Variants in CNTLN observed in about 807,000 individuals in gnomAD.
CNTLN encodes centlein.
In CNTLN, 212 loss-of-function variants were observed where a neutral mutation model predicts 180.0. The observed-to-expected ratio is 1.18, with a 90% CI of 1.05 to 1.32. CNTLN has a LOEUF of 1.32. Ranked by LOEUF, CNTLN falls within the 40% of genes most tolerant of loss-of-function variation. The pLI, the probability that CNTLN is intolerant of heterozygous loss-of-function variation, is 0.00. For missense variants in CNTLN, 2,095 were observed against 1,610.9 expected, an observed-to-expected ratio of 1.30 and a Z score of -5.14; for synonymous variants, 722 against 563.1, an observed-to-expected ratio of 1.28 and a Z score of -3.99.
At chr9:17,278,734 T>A (rs1316803884) in intron 6 of CNTLN, among the ~76,000 whole-genome samples, 1 of 152,076 alleles carries the variant, frequency 6.6e-6, no homozygotes, top group East Asian at 1.9e-4. Flanking sequence ...AATAAATACA[T>A]GCAGTACAGA....
intron 18 of CNTLN, among the ~76,000 whole-genome samples, chr9:17,438,243 A>G (rs997948134): frequency 3.3e-5 from 5 of 152,124 alleles, no homozygotes; most frequent in Admixed American, 6.6e-5. Context: ...TCGAGAGACT[A>G]GAGATTGAAT....
intron 6 of CNTLN, among the ~76,000 whole-genome samples, chr9:17,295,968 G>T (rs1265847020): frequency 3.7e-5 from 4 of 107,016 alleles, no homozygotes; most frequent in East Asian, 8.2e-4. Flanking sequence ...CTACTCTTCA[G>T]TGAGAGAGAG....
chr9:17,177,787 T>A (rs978323324), intron 2 of CNTLN, among the ~76,000 whole-genome samples: 4 of 151,708 alleles, frequency 2.6e-5, no homozygotes, highest in Non-Finnish European at 5.9e-5. Flanking sequence ...ACCCAAAGAG[T>A]GAGCAGCAGC....
At chr9:17,464,746 ACAAAGTAACACT>A in intron 21 of CNTLN, 123 bp downstream of exon 21, 3 of 559,208 alleles carry the variant, frequency 5.4e-6, no homozygotes, top group Non-Finnish European at 8.9e-6. Flanking sequence ...ATTTACTGTT[ACAAAGTAACACT>A]CTTTGCTCTG....
At chr9:17,269,871 T>G (rs1006025023) in intron 5 of CNTLN, among the ~76,000 whole-genome samples, 2 of 152,156 alleles carry the variant, frequency 1.3e-5, no homozygotes, top group African/African-American at 4.8e-5. Flanking sequence ...CACAAGTGTT[T>G]TTGGTTTTTG....
In CNTLN at chr9:17,388,220, T is replaced by C; in HGVS notation, c.2046T>C (p.Asn682=). ...DEVKRSTPEK[N]GKEMLEQTLQ... ...TCAAGAGGAGTACTCCAGAGAAGAA[T>C]GGAAAAGAAATGTTGGAGCAGACAT... Residue 682 remains asparagine (N), a synonymous_variant, in exon 14 of 26, where the codon AAT becomes AAC. Transcript: ENST00000380647. The C allele has an allele frequency of 1.9e-6, 3 of 1,612,406 alleles. No individual in the cohort carries two copies. Among genetic ancestry groups the C allele is most frequent in the African/African-American group, 2.7e-5 (2 of 74,990 alleles).
At chr9:17,291,281 C>T (rs955528552) in intron 6 of CNTLN, among the ~76,000 whole-genome samples, 6 of 152,048 alleles carry the variant, frequency 3.9e-5, no homozygotes, top group Non-Finnish European at 2.9e-5. Flanking sequence ...ATATATATTC[C>T]ATTGTTTTTG....
At chr9:17,183,641 A>C (rs570299310) in intron 2 of CNTLN, among the ~76,000 whole-genome samples, 2 of 152,164 alleles carry the variant, frequency 1.3e-5, no homozygotes, top group East Asian at 3.9e-4. Flanking sequence ...ATTCCTTTCA[A>C]TGCCTTTGGT....
intron 10 of CNTLN, among the ~76,000 whole-genome samples, chr9:17,338,182 CAG>C (rs1359613699): frequency 8.3e-5 from 12 of 145,338 alleles, no homozygotes; most frequent in African/African-American, 2.8e-4. Flanking sequence ...TTTTTTTTGA[CAG>C]AGTGTCTCTC....
At chr9:17,246,873 T>C (rs1034657275) in intron 5 of CNTLN, among the ~76,000 whole-genome samples, 1 of 138,844 alleles carries the variant, frequency 7.2e-6, no homozygotes, top group Non-Finnish European at 1.5e-5. Flanking sequence ...ACCAGGTCTC[T>C]CCCTCAGAGG....
chr9:17,232,647 T>C (rs1487556576), intron 3 of CNTLN, among the ~76,000 whole-genome samples: 3 of 152,090 alleles, frequency 2.0e-5, no homozygotes, highest in African/African-American at 7.2e-5. Context: ...GCTTATATTA[T>C]TGAATTTATT....
intron 2 of CNTLN, among the ~76,000 whole-genome samples, chr9:17,198,363 A>G (rs1822269134): frequency 6.7e-6 from 1 of 149,946 alleles, no homozygotes; most frequent in Non-Finnish European, 1.5e-5. Flanking sequence ...GTCCAATCCA[A>G]GAACATGGAA....
intron 6 of CNTLN, among the ~76,000 whole-genome samples, chr9:17,295,519 A>G (rs950115316): frequency 2.6e-5 from 4 of 152,050 alleles, no homozygotes; most frequent in African/African-American, 7.2e-5. Flanking sequence ...CCAGCTGCCT[A>G]GTCAGTCCCA....
At chr9:17,301,687 C>G (rs1818364331) in intron 7 of CNTLN, 1 of 963,788 alleles carries the variant, frequency 1.0e-6, no homozygotes, top group Admixed American at 6.2e-5. Context: ...GTATCCTCAA[C>G]TAGACTCAAT....
At chr9:17,223,421 A>G (rs1824271878) in intron 2 of CNTLN, among the ~76,000 whole-genome samples, 1 of 151,864 alleles carries the variant, frequency 6.6e-6, no homozygotes, top group African/African-American at 2.4e-5. Context: ...AGGCATCTCA[A>G]ACTTAGTATG....
At chr9:17,215,799 G>T (rs1479212385) in intron 2 of CNTLN, among the ~76,000 whole-genome samples, 1 of 152,162 alleles carries the variant, frequency 6.6e-6, no homozygotes, top group Non-Finnish European at 1.5e-5. Context: ...TTCGATCTCA[G>T]ACTGCTGTGC....
intron 18 of CNTLN, among the ~76,000 whole-genome samples, chr9:17,420,104 G>A (rs545350214): frequency 1.6e-4 from 25 of 152,168 alleles, no homozygotes; most frequent in African/African-American, 5.5e-4. Context: ...CGGTGGAGTT[G>A]GGGTTTCACC....
At chr9:17,319,541 A>AT (rs1329734458) in intron 8 of CNTLN, among the ~76,000 whole-genome samples, 2 of 152,188 alleles carry the variant, frequency 1.3e-5, no homozygotes, top group Non-Finnish European at 2.9e-5. Context: ...AGAGTAATGG[A>AT]TAAAAACATA....
intron 5 of CNTLN, among the ~76,000 whole-genome samples, chr9:17,252,971 T>G (rs1826244516): frequency 6.6e-6 from 1 of 151,712 alleles, no homozygotes; most frequent in Non-Finnish European, 1.5e-5. Context: ...AGTTTCATTC[T>G]TTTACTCATG....
Sources: gnomAD v4.1 joint callset for allele counts (sites outside exome capture counted in the v4.1 genomes callset) on GRCh38, gnomAD v4.1.1 for gene constraint, MANE v1.5 for transcripts, NCBI Gene and HGNC (gene_info 2026-07-23, HGNC 2026-07-21) for gene names.